The following STAT5A variants were observed in gnomAD, a reference collection of about 807,000 sequenced individuals.
STAT5A encodes the protein signal transducer and activator of transcription 5A.
A neutral mutation model predicts 100.2 loss-of-function variants in STAT5A; 26 were observed. The observed-to-expected ratio is 0.26, with a 90% CI of 0.19 to 0.36. The LOEUF is 0.36. STAT5A is among the 10% of genes least tolerant of loss of function. STAT5A has a pLI of 1.00. For synonymous variants in STAT5A, 330 were observed against 424.3 expected (o/e 0.78, Z 2.73); for missense variants, 634 against 1,027.5 (o/e 0.62, Z 5.24).
chr17:42,309,556 C>G (rs1364074931), intron 18 of STAT5A, 72 bp downstream of exon 18: 31 of 1,502,938 alleles, frequency 2.1e-5, no homozygotes, highest in Non-Finnish European at 2.8e-5. Flanking sequence ...TCCTGGAGGG[C>G]TGGCGGGCAA....
chr17:42,296,664 A>G (rs757495514), intron 5 of STAT5A, among the ~76,000 whole-genome samples: 12 of 151,774 alleles, frequency 7.9e-5, no homozygotes, highest in African/African-American at 1.2e-4. Context: ...TTTTGAGACA[A>G]TCTTGCTCTG....
rs775608800 is a variant in STAT5A, at chr17:42,307,412, C to T, written c.1691C>T (p.Pro564Leu). Residue 564 changes from proline to leucine, a missense_variant, in exon 14 of 19, where the codon CCG (proline) becomes CTG (leucine). Coordinates refer to ENST00000590949, the MANE Select transcript of STAT5A (RefSeq NM_001288718.2). ...TTCCTGGGCCCTCAGGAGAACTTGC[C>T]GGGCTGGAACTACACCTTCTGGCAG... ...SWSQFNRENL[P>L]GWNYTFWQWF... The T allele has an allele frequency of 1.1e-5, 18 of 1,613,678 alleles. No individual in the cohort carries two copies. Among genetic ancestry groups the T allele is most frequent in the African/African-American group, 4.0e-5 (3 of 74,866 alleles).
At chr17:42,300,368 CA>C (rs2080965048) in intron 7 of STAT5A, 87 bp downstream of exon 7, 1 of 1,491,148 alleles carries the variant, frequency 6.7e-7, no homozygotes, top group Non-Finnish European at 9.0e-7. Context: ...GCTCCTGCAG[CA>C]GGCCCCCTCC....
Position 42,294,966 on chromosome 17 carries a change from C to T in STAT5A, c.376-653C>T, listed in dbSNP as rs141270791. Among the ~76,000 whole-genome samples, 132 of 151,738 alleles carry T rather than the reference C, an allele frequency of 8.7e-4. 1 individual carries two copies. Among genetic ancestry groups the T allele is most frequent in the African/African-American group, 3.2e-3 (131 of 41,330 alleles). On this transcript the variant is annotated intron_variant, in intron 4 of 18. Transcript: ENST00000590949. ...AGGCTAGAGTGCAGTGGCGCAATCT[C>T]GGCTCACTGCAACATCCCCCTCCTG...
intron 2 of STAT5A, 31 bp downstream of exon 2, chr17:42,289,570 A>T (rs2080849685): frequency 1.2e-6 from 2 of 1,607,264 alleles, no homozygotes; most frequent in Non-Finnish European, 1.7e-6. Flanking sequence ...CCCTCCTCAG[A>T]GGGTCCCTAC....
intron 18 of STAT5A, chr17:42,309,771 A>G: frequency 2.9e-6 from 1 of 345,904 alleles, no homozygotes; most frequent in East Asian, 5.5e-5. Flanking sequence ...TGAGAATGGG[A>G]TGAGCATTAA....
rs932812259 is a variant in STAT5A, at chr17:42,308,065, C to T, written c.1907-113C>T. Reference sequence around the variant, plus strand: ...TCTTCCCTACAGGCTGGGGCTGCAGCGCAAGCTACTATATAAAAGCCCAGA... The same window carrying T: ...TCTTCCCTACAGGCTGGGGCTGCAGTGCAAGCTACTATATAAAAGCCCAGA... On this transcript the variant is annotated intron_variant, in intron 15 of 18. Transcript: ENST00000590949. The surrounding 1 kb of genome is among the most constrained non-coding windows in gnomAD (Gnocchi z 4.6). The T allele has an allele frequency of 2.0e-5, 28 of 1,422,488 alleles. No individual in the cohort carries two copies. The highest frequency in any genetic ancestry group is 1.7e-4 in the African/African-American group (12 of 70,318). 88.1% of individuals were successfully genotyped at this position (1,422,488 alleles called of 1,614,324 possible). A position where few individuals can be genotyped will look rare whatever the true frequency, so the allele number is the denominator to read the frequency against.
chr17:42,308,453 T>G lies in STAT5A; in HGVS notation c.2062+120T>G. ...GGAGGAGCCTAGGGGCCATGTCCCC[T>G]GTGGGTTTTGGCCCATGGGGTGGTG... On this transcript the variant is annotated intron_variant, in intron 16 of 18. Coordinates refer to ENST00000590949, the MANE Select transcript of STAT5A (RefSeq NM_001288718.2). This position sits in a 1 kb window ranked among gnomAD's most constrained non-coding sequence, Gnocchi z 4.6. The G allele has an allele frequency of 2.1e-6, 3 of 1,434,506 alleles. No homozygotes were observed. The highest frequency in any genetic ancestry group is 2.9e-6 in the Non-Finnish European group (3 of 1,051,804). 88.9% of individuals were successfully genotyped at this position (1,434,506 alleles called of 1,614,324 possible).
chr17:42,298,632 C>T (rs1224486597), intron 5 of STAT5A, among the ~76,000 whole-genome samples: 4 of 152,004 alleles, frequency 2.6e-5, no homozygotes, highest in African/African-American at 4.8e-5. Flanking sequence ...CCACCATGCC[C>T]GGCTAATTTT....
At chr17:42,290,199 TA>T in intron 3 of STAT5A, 177 bp downstream of exon 3, 1 of 959,768 alleles carries the variant, frequency 1.0e-6, no homozygotes, top group Non-Finnish European at 1.5e-6. Flanking sequence ...CGGATTTCTT[TA>T]GCATATTGCA....
chr17:42,294,990 T>C (rs916903836), intron 4 of STAT5A, among the ~76,000 whole-genome samples: 7 of 151,822 alleles, frequency 4.6e-5, no homozygotes, highest in African/African-American at 1.7e-4. Context: ...ATCCCCCTCC[T>C]GGGTTCAAGC....
At chr17:42,292,104 T>C (rs776355278) in intron 4 of STAT5A, 43 bp downstream of exon 4, 1 of 1,601,852 alleles carries the variant, frequency 6.2e-7, no homozygotes, top group South Asian at 1.1e-5. Flanking sequence ...GAGAAGTCCC[T>C]CCATATGCCT....
intron 2 of STAT5A, 47 bp from the exon 3 acceptor site, chr17:42,289,819 C>T: frequency 6.8e-7 from 1 of 1,467,852 alleles, no homozygotes; most frequent in Non-Finnish European, 9.0e-7. Flanking sequence ...GACCTCCTTG[C>T]CCAAGGAGGT....
Position 42,288,785 on chromosome 17 carries a change from AAGGCAG to A in STAT5A, c.-11+192_-11+197del, listed in dbSNP as rs1269283622. The stretch of plus-strand genomic sequence containing the variant: ...ACGTGGGGACAGGGGTCGGGGATGA[AAGGCAG>A]AGGCCAGGGAGGGCGCCGTCCTGGC... On this transcript the variant is annotated intron_variant, in intron 1 of 18. Transcript: ENST00000590949. This position sits in a 1 kb window ranked among gnomAD's most constrained non-coding sequence, Gnocchi z 4.8. Among the ~76,000 whole-genome samples the A allele has an allele frequency of 6.6e-6, 1 of 152,134 alleles. No individual in the cohort carries two copies. The highest frequency in any genetic ancestry group is 1.9e-4 in the East Asian group (1 of 5,172).
rs2078086569 is a variant in STAT5A, at chr17:42,291,425, T to C, written c.286-547T>C. Reference sequence around the variant, plus strand: ...GTCAAAAGATACGGTAGATTGGAAGTGCTTCATAAGACTGGGTATGATGGC... The same window carrying C: ...GTCAAAAGATACGGTAGATTGGAAGCGCTTCATAAGACTGGGTATGATGGC... On this transcript the variant is annotated intron_variant, in intron 3 of 18. Transcript: ENST00000590949. 2.0e-5 allele frequency among the ~76,000 whole-genome samples: 3 copies of C among 152,082 alleles called. No homozygotes were observed. In the South Asian group the frequency reaches 6.2e-4, roughly 32 times the overall value.
At chr17:42,291,662 G>A (rs1291412527) in intron 3 of STAT5A, among the ~76,000 whole-genome samples, 1 of 151,698 alleles carries the variant, frequency 6.6e-6, no homozygotes, top group Non-Finnish European at 1.5e-5. Context: ...GTTGCAGTGA[G>A]CTGAGATCAC....
intron 13 of STAT5A, 91 bp downstream of exon 13, chr17:42,306,538 C>A: frequency 6.5e-7 from 1 of 1,536,064 alleles, no homozygotes; most frequent in African/African-American, 1.4e-5. Context: ...GGGGCTAGCA[C>A]CCCACTCTCC....
intron 2 of STAT5A, 131 bp from the exon 3 acceptor site, chr17:42,289,735 C>T: frequency 1.4e-6 from 2 of 1,397,106 alleles, no homozygotes; most frequent in Non-Finnish European, 1.9e-6. Context: ...TGTGGAGCTG[C>T]TGGGAACAAG....
At position 42,310,885 on chromosome 17, in the gene STAT5A, A is replaced by G. The variant is rs1218658748; in HGVS notation, c.*216A>G. On this transcript the variant is annotated 3_prime_UTR_variant, in exon 19 of 19. Coordinates refer to ENST00000590949, the MANE Select transcript of STAT5A (RefSeq NM_001288718.2). ...CGGTGGCCTCTTTTCAGATCATGGCATCCAAGAGTGCGCCGAGTCTGTCTC... is the reference window on the plus strand; with the variant it reads ...CGGTGGCCTCTTTTCAGATCATGGCGTCCAAGAGTGCGCCGAGTCTGTCTC... 8.0e-6 allele frequency: 6 copies of G among 748,390 alleles called. No individual in the cohort carries two copies. Among genetic ancestry groups the G allele is most frequent in the Non-Finnish European group, 1.0e-5 (5 of 476,276 alleles). The allele number at this position is 748,390 out of a possible 1,614,324, so 46.4% of individuals were successfully genotyped here. A position where few individuals can be genotyped will look rare whatever the true frequency, so the allele number is the denominator to read the frequency against.
Sources: gnomAD v4.1 joint callset for allele counts (sites outside exome capture counted in the v4.1 genomes callset) on GRCh38, gnomAD v4.1.1 for gene constraint, Gnocchi (gnomAD v3.1) non-coding constraint, MANE v1.5 for transcripts, NCBI Gene and HGNC (gene_info 2026-07-23, HGNC 2026-07-21) for gene names.